The following PSD3 variants were observed in gnomAD, a reference collection of about 807,000 sequenced individuals.
PSD3 encodes PH and SEC7 domain-containing protein 3.
Under a neutral mutation model 105.5 loss-of-function variants are expected in PSD3, and 49 were observed. The ratio of observed to expected loss-of-function variants is 0.46; its 90% CI spans 0.37 to 0.59. PSD3 has a LOEUF of 0.59. PSD3 is among the 20% of genes least tolerant of loss of function. PSD3 has a pLI of 0.00. For missense variants in PSD3, 1,561 were observed against 1,263.8 expected, an observed-to-expected ratio of 1.24 and a Z score of -3.57; for synonymous variants, 557 against 457.8, an observed-to-expected ratio of 1.22 and a Z score of -2.77.
intron 9 of PSD3, among the ~76,000 whole-genome samples, chr8:18,667,484 G>C (rs1799538922): frequency 6.6e-6 from 1 of 152,198 alleles, no homozygotes; most frequent in African/African-American, 2.4e-5. Context: ...AGATTAGCTA[G>C]ATACAGAGTG....
intron 8 of PSD3, 174 bp downstream of exon 8, chr8:18,799,121 T>A (rs1178398155): frequency 8.3e-6 from 5 of 600,278 alleles, no homozygotes; most frequent in Non-Finnish European, 1.5e-5. Context: ...TACTCTGTGC[T>A]AGCATGTGAA....
At chr8:18,637,544 T>C (rs1312137522) in intron 10 of PSD3, among the ~76,000 whole-genome samples, 1 of 152,208 alleles carries the variant, frequency 6.6e-6, no homozygotes, top group Non-Finnish European at 1.5e-5. Flanking sequence ...GAATGGCATA[T>C]AAAATGGTTT....
intron 9 of PSD3, among the ~76,000 whole-genome samples, chr8:18,684,528 A>C (rs1800558749): frequency 2.0e-5 from 3 of 152,196 alleles, no homozygotes; most frequent in Non-Finnish European, 4.4e-5. Context: ...CGAGACACAA[A>C]GGCATCTCAA....
chr8:18,580,005 G>A (rs1802703994), intron 12 of PSD3, among the ~76,000 whole-genome samples: 1 of 152,004 alleles, frequency 6.6e-6, no homozygotes, highest in Non-Finnish European at 1.5e-5. Context: ...AAAGCAAGCT[G>A]GGTCCTAAAT....
At chr8:18,685,242 T>A (rs532159608) in intron 9 of PSD3, among the ~76,000 whole-genome samples, 2 of 152,306 alleles carry the variant, frequency 1.3e-5, no homozygotes, top group African/African-American at 4.8e-5. Context: ...TTTGAGATAA[T>A]TAATTTTTTA....
At chr8:18,730,827 T>A (rs1045315357) in intron 9 of PSD3, among the ~76,000 whole-genome samples, 2 of 152,158 alleles carry the variant, frequency 1.3e-5, no homozygotes, top group Non-Finnish European at 2.9e-5. Context: ...AGACAAGATG[T>A]GTGTACTTAA....
chr8:18,757,593 T>C (rs1563230776), intron 9 of PSD3, among the ~76,000 whole-genome samples: 1 of 152,216 alleles, frequency 6.6e-6, no homozygotes, highest in Non-Finnish European at 1.5e-5. Context: ...GAATCTCTAA[T>C]AGGAAGCTCT....
chr8:18,888,836 G>A (rs946995176), intron 2 of PSD3, among the ~76,000 whole-genome samples: 4 of 152,092 alleles, frequency 2.6e-5, no homozygotes, highest in African/African-American at 7.2e-5. Context: ...TCCTTCCAAG[G>A]GGAGGAAAGA....
chr8:18,838,726 C>G (rs550661798), intron 4 of PSD3, among the ~76,000 whole-genome samples: 1 of 151,104 alleles, frequency 6.6e-6, no homozygotes, highest in Non-Finnish European at 1.5e-5. Context: ...GGCGTGAACC[C>G]GGGAGGCAGA....
At position 18,704,524 on chromosome 8, in the gene PSD3, G is replaced by C. The variant is rs142753864; in HGVS notation, c.2173-48839C>G. 1.9e-3 allele frequency among the ~76,000 whole-genome samples: 295 copies of C among 152,260 alleles called. 1 individual carries two copies. The highest frequency in any genetic ancestry group is 3.1e-3 in the Non-Finnish European group (208 of 68,012). The stretch of plus-strand genomic sequence containing the variant: ...GGCTAATTTTTGTATTTTTAGTAGA[G>C]ACAGGGTTTCCCCACGCTGGCCAGG... On this transcript the variant is annotated intron_variant, in intron 9 of 15. Coordinates refer to ENST00000327040, the MANE Select transcript of PSD3 (RefSeq NM_015310.4).
intron 9 of PSD3, among the ~76,000 whole-genome samples, chr8:18,711,639 A>G (rs1432144604): frequency 6.6e-6 from 1 of 152,204 alleles, no homozygotes; most frequent in Non-Finnish European, 1.5e-5. Flanking sequence ...CAAGTTCTTA[A>G]CAGACCTACA....
At chr8:18,659,621 T>A (rs896626720) in intron 9 of PSD3, among the ~76,000 whole-genome samples, 1 of 152,194 alleles carries the variant, frequency 6.6e-6, no homozygotes, top group Non-Finnish European at 1.5e-5. Flanking sequence ...GAAAAGATAA[T>A]AAGACTTGTG....
At chr8:19,009,718 C>T (rs1478043712) in intron 1 of PSD3, among the ~76,000 whole-genome samples, 1 of 152,048 alleles carries the variant, frequency 6.6e-6, no homozygotes, top group Non-Finnish European at 1.5e-5. Context: ...GATGAAACCC[C>T]GTCTATACTA....
chr8:18,558,309 C>A (rs1801199280), intron 14 of PSD3, among the ~76,000 whole-genome samples: 2 of 151,816 alleles, frequency 1.3e-5, no homozygotes, highest in Admixed American at 1.3e-4. Flanking sequence ...GTGACTGGAC[C>A]ACTTCAAAAA....
intron 9 of PSD3, among the ~76,000 whole-genome samples, chr8:18,722,424 T>C (rs979193640): frequency 2.0e-5 from 3 of 152,166 alleles, no homozygotes. Context: ...AAAACACTAA[T>C]CACAGTTGAT....
rs1799628922 is a variant in PSD3, at chr8:18,531,471, C to CCA, written c.*4271_*4272insTG. 7.4e-6 allele frequency: 1 copy of CCA among 135,752 alleles called. No individual in the cohort carries two copies. The allele number at this position is 135,752 out of a possible 1,614,324, so 8.4% of individuals were successfully genotyped here. ...TGAGAGAAAAATCAGTGACAAAGCC[C>CCA]CTCTCTATTGCTATCAATAATCTAT... On this transcript the variant is annotated 3_prime_UTR_variant, in exon 16 of 16. Transcript: ENST00000327040.
At chr8:18,833,551 T>A (rs1586168596) in intron 4 of PSD3, among the ~76,000 whole-genome samples, 1 of 152,210 alleles carries the variant, frequency 6.6e-6, no homozygotes, top group Non-Finnish European at 1.5e-5. Flanking sequence ...ATTTTAAGGC[T>A]CCAAGACAAG....
At chr8:19,012,722 G>T (rs1827011944) in intron 1 of PSD3, among the ~76,000 whole-genome samples, 1 of 152,162 alleles carries the variant, frequency 6.6e-6, no homozygotes, top group Non-Finnish European at 1.5e-5. Context: ...TACAACGAAC[G>T]CATTGAGGCA....
chr8:18,574,158 TAAAA>T (rs906085643), intron 13 of PSD3, among the ~76,000 whole-genome samples: 2 of 151,080 alleles, frequency 1.3e-5, no homozygotes, highest in Admixed American at 1.3e-4. Context: ...AAACAAAAAG[TAAAA>T]AAAAAGTCAG....
Sources: allele counts gnomAD v4.1 joint callset (sites outside exome capture counted in the v4.1 genomes callset), GRCh38; gene constraint gnomAD v4.1.1; transcripts MANE v1.5; gene names NCBI Gene and HGNC (gene_info 2026-07-23, HGNC 2026-07-21).